SPHKAP: variants seen among roughly 807,000 people sequenced by gnomAD.
SPHKAP encodes the protein A-kinase anchor protein SPHKAP.
SPHKAP carries 67 observed loss-of-function variants against 137.5 expected under a neutral mutation model. The observed-to-expected ratio is 0.49, with a 90% CI of 0.40 to 0.60. SPHKAP has a LOEUF of 0.60. Among genes scored for constraint, SPHKAP ranks in the 20% least tolerant of loss-of-function variants. SPHKAP has a pLI of 0.00. For missense variants in SPHKAP, 2,097 were observed against 2,069.3 expected, an observed-to-expected ratio of 1.01 and a Z score of -0.26; for synonymous variants, 813 against 785.3, an observed-to-expected ratio of 1.04 and a Z score of -0.59.
chr2:227,991,016 T>C lies in SPHKAP; in HGVS notation c.4943A>G (p.Glu1648Gly), dbSNP rs148917989. The C allele has an allele frequency of 1.9e-4, 310 of 1,614,004 alleles. No homozygotes were observed. The highest frequency in any genetic ancestry group is 2.5e-4 in the Non-Finnish European group (295 of 1,179,992). The change falls in exon 11 of 12, where the codon GAA becomes GGA. Residue 1648 changes from glutamate to glycine, a missense_variant. Transcript: ENST00000392056. ...IPTIYFKKSQENRIEKFLDVV... is the reference protein window; with the variant it reads ...IPTIYFKKSQGNRIEKFLDVV... ...ACATGATACCTTTTCAATTCTGTTT[T>C]CCTGAGATTTCTTAAAGTAGATGGT...
intron 3 of SPHKAP, among the ~76,000 whole-genome samples, chr2:228,075,201 T>C (rs1697139623): frequency 6.6e-6 from 1 of 152,214 alleles, no homozygotes; most frequent in Admixed American, 6.5e-5. Context: ...GATTTTATAA[T>C]AACTGCATTA....
At chr2:227,984,621 G>A (rs1330349082) in intron 11 of SPHKAP, among the ~76,000 whole-genome samples, 2 of 152,134 alleles carry the variant, frequency 1.3e-5, no homozygotes, top group Admixed American at 6.6e-5. Flanking sequence ...TCGGAATAGC[G>A]GTCTTGAAGG....
At chr2:228,058,596 C>G (rs559654389) in intron 3 of SPHKAP, among the ~76,000 whole-genome samples, 7 of 152,168 alleles carry the variant, frequency 4.6e-5, no homozygotes, top group Non-Finnish European at 8.8e-5. Context: ...CGTTCACTAA[C>G]CAGAACATGC....
chr2:228,039,958 C>A (rs1306604764), intron 3 of SPHKAP, among the ~76,000 whole-genome samples: 1 of 152,146 alleles, frequency 6.6e-6, no homozygotes, highest in African/African-American at 2.4e-5. Flanking sequence ...AGGGGGAAAT[C>A]ACTGTGCAAG....
At chr2:228,094,955 T>C (rs537494757) in intron 3 of SPHKAP, among the ~76,000 whole-genome samples, 142 of 152,168 alleles carry the variant, frequency 9.3e-4, no homozygotes, top group Non-Finnish European at 1.7e-3. Flanking sequence ...AGAAGAAATA[T>C]GTGGGGCTTT....
chr2:227,985,995 C>T (rs1693195098), intron 11 of SPHKAP, among the ~76,000 whole-genome samples: 1 of 152,272 alleles, frequency 6.6e-6, no homozygotes, highest in South Asian at 2.1e-4. Flanking sequence ...CCCCAGGCAC[C>T]TTTACAAAAC....
At chr2:228,151,880 C>T (rs1008536644) in intron 1 of SPHKAP, among the ~76,000 whole-genome samples, 14 of 151,972 alleles carry the variant, frequency 9.2e-5, no homozygotes, top group African/African-American at 2.9e-4. Flanking sequence ...AGACTATATG[C>T]GTTTCTCTTA....
intron 1 of SPHKAP, among the ~76,000 whole-genome samples, chr2:228,143,698 G>A (rs1354831687): frequency 6.9e-6 from 1 of 143,966 alleles, no homozygotes; most frequent in African/African-American, 2.6e-5. Context: ...AGAGATGAGG[G>A]TTTCACCATG....
intron 3 of SPHKAP, among the ~76,000 whole-genome samples, chr2:228,086,320 T>C (rs953216011): frequency 2.0e-5 from 3 of 150,890 alleles, no homozygotes; most frequent in African/African-American, 7.3e-5. Flanking sequence ...CTCCCTTCTT[T>C]CCCCTGCCTC....
intron 1 of SPHKAP, among the ~76,000 whole-genome samples, chr2:228,179,922 C>A (rs1270409909): frequency 1.3e-5 from 2 of 152,174 alleles, no homozygotes; most frequent in Non-Finnish European, 2.9e-5. Flanking sequence ...TATCAAAAAT[C>A]TCTGTCGGAA....
chr2:228,064,012 A>C (rs1696746377), intron 3 of SPHKAP, among the ~76,000 whole-genome samples: 1 of 152,224 alleles, frequency 6.6e-6, no homozygotes, highest in Admixed American at 6.5e-5. Flanking sequence ...TCAATGTTAA[A>C]CTTCAAGTAA....
At chr2:228,094,941 A>G (rs185723131) in intron 3 of SPHKAP, among the ~76,000 whole-genome samples, 146 of 152,230 alleles carry the variant, frequency 9.6e-4, no homozygotes, top group South Asian at 2.3e-3. Context: ...CATTTTAAAT[A>G]TTGAGAAGAA....
intron 7 of SPHKAP, among the ~76,000 whole-genome samples, chr2:228,004,293 G>T (rs1056630821): frequency 6.6e-6 from 1 of 152,010 alleles, no homozygotes; most frequent in Non-Finnish European, 1.5e-5. Context: ...GTCTTGAGAG[G>T]GTGTATGTGT....
At chr2:228,045,592 C>A (rs569694897) in intron 3 of SPHKAP, among the ~76,000 whole-genome samples, 5 of 151,730 alleles carry the variant, frequency 3.3e-5, no homozygotes, top group African/African-American at 9.7e-5. Context: ...ACAGCGGGGA[C>A]TGTTGCGGGA....
At chr2:228,120,431 A>T (rs1698869179) in intron 2 of SPHKAP, among the ~76,000 whole-genome samples, 1 of 152,140 alleles carries the variant, frequency 6.6e-6, no homozygotes, top group Non-Finnish European at 1.5e-5. Context: ...CAAAATGGAG[A>T]TGCTTTATGA....
chr2:228,049,694 T>A (rs1391707477), intron 3 of SPHKAP, among the ~76,000 whole-genome samples: 2 of 152,180 alleles, frequency 1.3e-5, no homozygotes, highest in Non-Finnish European at 2.9e-5. Context: ...TCCCATTTTT[T>A]ATGTCCATAT....
chr2:228,038,417 G>T (rs531438901), intron 3 of SPHKAP, among the ~76,000 whole-genome samples: 1 of 152,210 alleles, frequency 6.6e-6, no homozygotes, highest in Non-Finnish European at 1.5e-5. Flanking sequence ...TGACTAAAAT[G>T]ATAAAACCTG....
At chr2:228,164,591 C>T (rs4299327) in intron 1 of SPHKAP, among the ~76,000 whole-genome samples, 20,496 of 152,234 alleles carry the variant, frequency 0.13, 1,386 homozygotes, top group East Asian at 0.2. Flanking sequence ...GGGCTTCCAG[C>T]CACCTCTACA....
chr2:227,983,823 A>C (rs1693099979), intron 11 of SPHKAP, among the ~76,000 whole-genome samples: 1 of 152,188 alleles, frequency 6.6e-6, no homozygotes, highest in Admixed American at 6.5e-5. Context: ...AAAAGGCTGA[A>C]CAGAGCCTGG....
Sources: allele counts gnomAD v4.1 joint callset (sites outside exome capture counted in the v4.1 genomes callset), GRCh38; gene constraint gnomAD v4.1.1; transcripts MANE v1.5; gene names NCBI Gene and HGNC (gene_info 2026-07-23, HGNC 2026-07-21).